The following STARD13 variants were observed in gnomAD, a reference collection of about 807,000 sequenced individuals.
The protein encoded by STARD13 is stAR-related lipid transfer protein 13.
STARD13 carries 62 observed loss-of-function variants against 106.4 expected under a neutral mutation model. The observed-to-expected ratio is 0.58, with a 90% CI of 0.48 to 0.72. The LOEUF (loss-of-function observed/expected upper bound fraction) is 0.72. Among genes scored for constraint, STARD13 ranks in the 30% least tolerant of loss-of-function variants. STARD13 has a pLI of 0.00. For missense variants in STARD13, 1,387 were observed against 1,424.0 expected, an observed-to-expected ratio of 0.97 and a Z score of 0.42; for synonymous variants, 565 against 553.0, an observed-to-expected ratio of 1.02 and a Z score of -0.31.
At chr13:33,520,536 A>T in the STARD13 span, among the ~76,000 whole-genome samples, 1 of 152,136 alleles carries the variant, frequency 6.6e-6, no homozygotes, top group East Asian at 1.9e-4. Context: ...CTTTTTAAAC[A>T]ATAGCGGCCA....
At chr13:33,414,772 G>A in the STARD13 span, among the ~76,000 whole-genome samples, 2 of 152,024 alleles carry the variant, frequency 1.3e-5, no homozygotes, top group African/African-American at 4.8e-5. Context: ...ATATAGTTCT[G>A]CAAAACATTA....
At chr13:33,206,970 C>A (rs938006492) in intron 1 of STARD13, among the ~76,000 whole-genome samples, 2 of 152,090 alleles carry the variant, frequency 1.3e-5, no homozygotes, top group African/African-American at 4.8e-5. Flanking sequence ...GCTCTGGAGA[C>A]CTCACAGATG....
the STARD13 span, among the ~76,000 whole-genome samples, chr13:33,442,644 G>T: frequency 6.6e-6 from 1 of 152,066 alleles, no homozygotes; most frequent in Non-Finnish European, 1.5e-5. Flanking sequence ...TTAGTGTTTT[G>T]AAAAATGAAA....
chr13:33,210,172 A>G (rs1476743335), intron 1 of STARD13, among the ~76,000 whole-genome samples: 1 of 152,204 alleles, frequency 6.6e-6, no homozygotes, highest in African/African-American at 2.4e-5. Flanking sequence ...CAGGTCTATT[A>G]AACATCAGCT....
At chr13:33,571,287 A>T in the STARD13 span, among the ~76,000 whole-genome samples, 1 of 152,330 alleles carries the variant, frequency 6.6e-6, no homozygotes, top group South Asian at 2.1e-4. Flanking sequence ...TATCACAATT[A>T]TCAAAGTGAG....
the STARD13 span, among the ~76,000 whole-genome samples, chr13:33,630,436 T>G: frequency 1.3e-5 from 2 of 152,206 alleles, no homozygotes; most frequent in Non-Finnish European, 2.9e-5. Context: ...TGCTGATACT[T>G]CTTCCAAATT....
the STARD13 span, among the ~76,000 whole-genome samples, chr13:33,392,352 T>C: frequency 1.3e-5 from 2 of 152,164 alleles, no homozygotes; most frequent in East Asian, 3.8e-4. Context: ...GCCATGTTGA[T>C]TTGGCCATAT....
At chr13:33,313,197 C>T (rs11842930) in intron 1 of STARD13, among the ~76,000 whole-genome samples, 4,076 of 152,210 alleles carry the variant, frequency 0.027, 158 homozygotes, top group African/African-American at 0.091. Flanking sequence ...ATCATGAGTG[C>T]ATTGCTGTAG....
At chr13:33,270,888 C>T (rs1359821448) in intron 1 of STARD13, among the ~76,000 whole-genome samples, 1 of 152,148 alleles carries the variant, frequency 6.6e-6, no homozygotes, top group African/African-American at 2.4e-5. Context: ...GTGAAGAAAA[C>T]CTCAAATCAC....
At chr13:33,265,548 G>A (rs1890856100) in intron 1 of STARD13, among the ~76,000 whole-genome samples, 1 of 152,100 alleles carries the variant, frequency 6.6e-6, no homozygotes, top group Admixed American at 6.5e-5. Context: ...ACTAAATTAT[G>A]TTGTATTTGG....
chr13:33,449,882 G>T, the STARD13 span, among the ~76,000 whole-genome samples: 1 of 151,896 alleles, frequency 6.6e-6, no homozygotes, highest in East Asian at 1.9e-4. Flanking sequence ...TCTTTTTCAG[G>T]TTCTTCACTA....
At chr13:33,485,399 A>G in the STARD13 span, among the ~76,000 whole-genome samples, 1 of 151,998 alleles carries the variant, frequency 6.6e-6, no homozygotes, top group African/African-American at 2.4e-5. Flanking sequence ...TTATGTAAAT[A>G]TGCAAAACAT....
At chr13:33,600,543 A>G in the STARD13 span, among the ~76,000 whole-genome samples, 1 of 152,130 alleles carries the variant, frequency 6.6e-6, no homozygotes, top group Non-Finnish European at 1.5e-5. Context: ...ATACATAGAA[A>G]GAAAGCAAAT....
At chr13:33,523,893 T>C in the STARD13 span, among the ~76,000 whole-genome samples, 1 of 152,098 alleles carries the variant, frequency 6.6e-6, no homozygotes, top group African/African-American at 2.4e-5. Flanking sequence ...CTTTTAAACA[T>C]AGTTCAAGGA....
chr13:33,543,372 C>T, the STARD13 span, among the ~76,000 whole-genome samples: 1 of 152,146 alleles, frequency 6.6e-6, no homozygotes, highest in Non-Finnish European at 1.5e-5. Flanking sequence ...AAGGTAGCCT[C>T]AGAAATGCTC....
the STARD13 span, among the ~76,000 whole-genome samples, chr13:33,510,343 T>G: frequency 6.6e-6 from 1 of 152,288 alleles, no homozygotes; most frequent in African/African-American, 2.4e-5. Context: ...ACTTTGAGAA[T>G]TTTATAAATA....
At chr13:33,259,937 A>G (rs189481356) in intron 1 of STARD13, among the ~76,000 whole-genome samples, 268 of 147,944 alleles carry the variant, frequency 1.8e-3, no homozygotes, top group South Asian at 4.6e-3. Flanking sequence ...TGGAAGTTGC[A>G]GTGAGCCGAG....
chr13:33,108,184 C>A (rs367931165), intron 12 of STARD13, among the ~76,000 whole-genome samples: 1 of 152,340 alleles, frequency 6.6e-6, no homozygotes, highest in East Asian at 1.9e-4. Context: ...ACAAATGCAG[C>A]AATCCTGAAA....
intron 1 of STARD13, among the ~76,000 whole-genome samples, chr13:33,232,005 G>C (rs2138213977): frequency 6.6e-6 from 1 of 152,270 alleles, no homozygotes; most frequent in South Asian, 2.1e-4. Context: ...TGTAATACTT[G>C]CTTCAATGTA....
Sources: gnomAD v4.1 joint callset for allele counts (sites outside exome capture counted in the v4.1 genomes callset) on GRCh38, gnomAD v4.1.1 for gene constraint, MANE v1.5 for transcripts, NCBI Gene and HGNC (gene_info 2026-07-23, HGNC 2026-07-21) for gene names.